TPRKB: variants seen among roughly 807,000 people sequenced by gnomAD.
TPRKB encodes the protein EKC/KEOPS complex subunit TPRKB.
A neutral mutation model predicts 17.8 loss-of-function variants in TPRKB; 11 were observed. The observed-to-expected ratio is 0.62, with a 90% CI of 0.39 to 1.02. The LOEUF (loss-of-function observed/expected upper bound fraction) is 1.02, where lower values mean the gene tolerates loss of function less well. TPRKB is among the 50% of genes least tolerant of loss of function. The pLI is 0.00. For missense variants in TPRKB, 228 were observed against 198.0 expected, an observed-to-expected ratio of 1.15 and a Z score of -0.91; for synonymous variants, 71 against 69.5, an observed-to-expected ratio of 1.02 and a Z score of -0.11.
chr2:73,736,230 A>G (rs1205139006), intron 1 of TPRKB, among the ~76,000 whole-genome samples: 1 of 152,210 alleles, frequency 6.6e-6, no homozygotes, highest in African/African-American at 2.4e-5. Flanking sequence ...AAAAATGGAT[A>G]CAGAAAGACA....
Position 73,730,754 on chromosome 2 carries a change from A to C in TPRKB, c.265-18T>G. 2 of 1,417,454 alleles carry C rather than the reference A, an allele frequency of 1.4e-6. No individual in the cohort carries two copies. The highest frequency in any genetic ancestry group is 1.9e-6 in the Non-Finnish European group (2 of 1,070,458). The allele number at this position is 1,417,454 out of a possible 1,614,324, so 87.8% of individuals were successfully genotyped here. ...TCTGAAATCTAAGAGAAAAAAAATG[A>C]AAAAAAAAACACAAGATCATTAACC... On this transcript the variant is annotated intron_variant, in intron 3 of 4. Transcript: ENST00000272424.
rs182949278 is a variant in TPRKB, at chr2:73,734,470, T to G, written c.100A>C (p.Met34Leu). The G allele has an allele frequency of 4.6e-5, 74 of 1,614,038 alleles. No homozygotes were observed. Among genetic ancestry groups the G allele is most frequent in the Non-Finnish European group, 3.4e-6 (4 of 1,179,972 alleles). ...AGTGATCCATCGATGGTGCCTTCCA[T>G]GGCCTTTCTTCTCAAGTCTCCCGCA... The part of the protein sequence containing the change: ...KNAGDLRRKA[M>L]EGTIDGSLIN... The change falls in exon 2 of 5, where the codon ATG (methionine) becomes CTG (leucine). Residue 34 changes from methionine (M) to leucine (L), a missense_variant. Coordinates refer to ENST00000272424, the MANE Select transcript of TPRKB (RefSeq NM_016058.5).
chr2:73,734,478 C>T lies in TPRKB; in HGVS notation c.92G>A (p.Arg31Lys), dbSNP rs542871596. Reference protein sequence around the residue: ...KDVKNAGDLRRKAMEGTIDGS... With the variant: ...KDVKNAGDLRKKAMEGTIDGS... ...ATCGATGGTGCCTTCCATGGCCTTT[C>T]TTCTCAAGTCTCCCGCATTTTTTAC... Residue 31 changes from arginine to lysine, a missense_variant, in exon 2 of 5, where the codon AGA (arginine) becomes AAA (lysine). Transcript: ENST00000272424. The T allele has an allele frequency of 6.2e-7, 1 of 1,614,050 alleles. No individual in the cohort carries two copies. The highest frequency in any genetic ancestry group is 8.5e-7 in the Non-Finnish European group (1 of 1,179,974).
At chr2:73,733,476 C>T (rs1671730181) in intron 2 of TPRKB, among the ~76,000 whole-genome samples, 1 of 152,166 alleles carries the variant, frequency 6.6e-6, no homozygotes, top group African/African-American at 2.4e-5. Flanking sequence ...CCAGGCTGGT[C>T]TCAAACTCCG....
intron 3 of TPRKB, 60 bp from the exon 4 acceptor site, chr2:73,730,796 G>A: frequency 8.0e-7 from 1 of 1,248,328 alleles, no homozygotes; most frequent in Non-Finnish European, 1.1e-6. Flanking sequence ...TCCTACGTCT[G>A]AAACATTTCC....
chr2:73,730,695 G>T lies in TPRKB; in HGVS notation c.306C>A (p.Asp102Glu). The T allele has an allele frequency of 6.5e-7, 1 of 1,532,034 alleles. No individual in the cohort carries two copies. 94.9% of individuals were successfully genotyped at this position (1,532,034 alleles called of 1,614,324 possible). A position where few individuals can be genotyped will look rare whatever the true frequency, so the allele number is the denominator to read the frequency against. ...CAATGTAAACAATTAGAATTGAAGT[G>T]TCATTTGCTGAGATACCAAATTTTT... The part of the protein sequence containing the change: ...ALKKFGISAN[D>E]TSILIVYIEE... The change falls in exon 4 of 5, where the codon GAC becomes GAA. Residue 102 changes from aspartate to glutamate, a missense_variant. Transcript: ENST00000272424.
chr2:73,735,172 T>G (rs1416851841), intron 1 of TPRKB, among the ~76,000 whole-genome samples: 2 of 151,834 alleles, frequency 1.3e-5, no homozygotes, highest in African/African-American at 4.8e-5. Flanking sequence ...CTACTAAAAA[T>G]GCCAAAAAAA....
At chr2:73,736,022 G>A (rs1474218601) in intron 1 of TPRKB, among the ~76,000 whole-genome samples, 1 of 151,946 alleles carries the variant, frequency 6.6e-6, no homozygotes, top group Non-Finnish European at 1.5e-5. Context: ...ACATCTGAAT[G>A]GAAAACAAAA....
In TPRKB at chr2:73,730,693, G is replaced by A. The variant is rs908000589; in HGVS notation, c.308C>T (p.Thr103Ile). The change falls in exon 4 of 5, where the codon ACT becomes ATT. Residue 103 changes from threonine to isoleucine, a missense_variant. Transcript: ENST00000272424. Reference protein sequence around the residue: ...LKKFGISANDTSILIVYIEEG... With the variant: ...LKKFGISANDISILIVYIEEG... ...TTCAATGTAAACAATTAGAATTGAA[G>A]TGTCATTTGCTGAGATACCAAATTT... The A allele has an allele frequency of 1.9e-6, 3 of 1,549,110 alleles. No homozygotes were observed. In the African/African-American group the frequency reaches 4.3e-5, roughly 22 times the overall value.
intron 2 of TPRKB, chr2:73,732,491 C>G: frequency 1.9e-6 from 1 of 522,470 alleles, no homozygotes; most frequent in Non-Finnish European, 3.4e-6. Context: ...GTGGGTAGAT[C>G]ACCTGACGTC....
chr2:73,730,129 T>C (rs1671529918), intron 4 of TPRKB, 100 bp from the exon 5 acceptor site: 2 of 1,329,412 alleles, frequency 1.5e-6, no homozygotes, highest in Non-Finnish European at 2.0e-6. Context: ...CTCATTCAAT[T>C]ATTGGGTTCA....
At chr2:73,730,510 G>A (rs758508224) in intron 4 of TPRKB, 50 bp downstream of exon 4, 13 of 1,322,024 alleles carry the variant, frequency 9.8e-6, no homozygotes, top group Non-Finnish European at 1.4e-5. Context: ...AACGGCATCA[G>A]CATTATTGCT....
chr2:73,732,346 A>G (rs529433461), intron 2 of TPRKB, 61 bp from the exon 3 acceptor site: 8 of 1,528,272 alleles, frequency 5.2e-6, no homozygotes, highest in African/African-American at 4.1e-5. Context: ...CTGAAAACAC[A>G]TGGTAACTCA....
intron 2 of TPRKB, 28 bp from the exon 3 acceptor site, chr2:73,732,313 T>TA (rs1435646716): frequency 6.2e-7 from 1 of 1,606,710 alleles, no homozygotes; most frequent in Non-Finnish European, 8.5e-7. Flanking sequence ...AAGAATTAAT[T>TA]ACACATGGAG....
At position 73,733,253 on chromosome 2, in the gene TPRKB, TG is replaced by T. The variant is rs1429032620; in HGVS notation, c.142-969del. Reference sequence around the variant, plus strand: ...TCGCACTGCGTGTGCCCTGTTTTTTTGTTTTTTTTTTTTTTTGGAGACAGAC... The same window carrying T: ...TCGCACTGCGTGTGCCCTGTTTTTTTTTTTTTTTTTTTTTTGGAGACAGAC... On this transcript the variant is annotated intron_variant, in intron 2 of 4. Coordinates refer to ENST00000272424, the MANE Select transcript of TPRKB (RefSeq NM_016058.5). Among the ~76,000 whole-genome samples the T allele has an allele frequency of 6.5e-3, 932 of 143,928 alleles. 42 individuals are homozygous for T. The highest frequency in any genetic ancestry group is 0.023 in the African/African-American group (889 of 38,960). 94.4% of individuals were successfully genotyped at this position (143,928 alleles called of 152,430 possible).
At chr2:73,730,760 A>G in intron 3 of TPRKB, 24 bp from the exon 4 acceptor site, 6 of 1,465,354 alleles carry the variant, frequency 4.1e-6, no homozygotes, top group Non-Finnish European at 5.4e-6. Context: ...AATGAAAAAA[A>G]AAACACAAGA....
rs1397855634 is a variant in TPRKB, at chr2:73,730,097, A to G, written c.442-68T>C. On this transcript the variant is annotated intron_variant, in intron 4 of 4. Transcript: ENST00000272424. ...TTCACTACTAATTGTCATTATACAA[A>G]CATGTGTAAGTGAAATTATTCCTCA... is the stretch of plus-strand genomic sequence containing the variant. 4 of 1,458,364 alleles carry G rather than the reference A, an allele frequency of 2.7e-6. No individual in the cohort carries two copies. In the African/African-American group the frequency reaches 4.3e-5, roughly 16 times the overall value. 90.3% of individuals were successfully genotyped at this position (1,458,364 alleles called of 1,614,324 possible). A position where few individuals can be genotyped will look rare whatever the true frequency, so the allele number is the denominator to read the frequency against.
At chr2:73,732,664 G>A (rs575245240) in intron 2 of TPRKB, 24 of 169,826 alleles carry the variant, frequency 1.4e-4, no homozygotes, top group South Asian at 6.7e-4. Context: ...AGCCAAGATC[G>A]CGCCATTGCA....
At chr2:73,734,185 G>C (rs531699729) in intron 2 of TPRKB, among the ~76,000 whole-genome samples, 1 of 151,608 alleles carries the variant, frequency 6.6e-6, no homozygotes, top group East Asian at 1.9e-4. Context: ...TGCAACCTCT[G>C]CCTCCAGGGT....
Sources: gnomAD v4.1 joint callset for allele counts (sites outside exome capture counted in the v4.1 genomes callset) on GRCh38, gnomAD v4.1.1 for gene constraint, MANE v1.5 for transcripts, NCBI Gene and HGNC (gene_info 2026-07-23, HGNC 2026-07-21) for gene names.